The following BANK1 variants were observed in gnomAD, a reference collection of about 807,000 sequenced individuals.
The protein encoded by BANK1 is B-cell scaffold protein with ankyrin repeats.
Under a neutral mutation model 94.5 loss-of-function variants are expected in BANK1, and 95 were observed. The ratio of observed to expected loss-of-function variants is 1.00; its 90% CI spans 0.85 to 1.19. The LOEUF is 1.19. Ranked by LOEUF, BANK1 falls within the 50% of genes most tolerant of loss-of-function variation. The probability of loss-of-function intolerance (pLI) is 0.00; values close to 1 mark genes in which losing one functional copy is unlikely to be tolerated. For missense variants in BANK1, 987 were observed against 932.2 expected, an observed-to-expected ratio of 1.06 and a Z score of -0.77; for synonymous variants, 334 against 308.4, an observed-to-expected ratio of 1.08 and a Z score of -0.87.
chr4:101,814,321 C>G (rs1481366443), intron 1 of BANK1, among the ~76,000 whole-genome samples: 1 of 152,178 alleles, frequency 6.6e-6, no homozygotes, highest in Non-Finnish European at 1.5e-5. Context: ...TTTAAGTACT[C>G]TGTTTGGGTC....
rs778946197 is a variant in BANK1, at chr4:102,060,219, C to T, written c.1978C>T (p.Arg660Trp). ...CTCCCCTTGTATTTTAGACAGAGCT[C>T]GGATAGAGAGTCCAGCCTTTTCTAC... ...CGLPKKQDRA[R>W]IESPAFSTLR... The change falls in exon 12 of 17, where the codon CGG (arginine) becomes TGG (tryptophan). Residue 660 changes from arginine (R) to tryptophan (W), a missense_variant. Transcript: ENST00000322953. The T allele has an allele frequency of 5.7e-6, 9 of 1,574,740 alleles. No individual in the cohort carries two copies. Among genetic ancestry groups the T allele is most frequent in the Non-Finnish European group, 6.8e-6 (8 of 1,168,810 alleles).
chr4:101,869,006 G>C (rs1415383074), intron 4 of BANK1, among the ~76,000 whole-genome samples: 1 of 151,716 alleles, frequency 6.6e-6, no homozygotes, highest in Admixed American at 6.6e-5. Context: ...GTTAACTAAG[G>C]ATTCAATATA....
In BANK1 at chr4:101,903,942, G is replaced by A. The variant is rs991131848; in HGVS notation, c.1009+8532G>A. Reference sequence around the variant, plus strand: ...CCAAAACATTGGAGTAAAATTTCTCGAGTGGTGGCAGCACAAAGTATATCA... The same window carrying A: ...CCAAAACATTGGAGTAAAATTTCTCAAGTGGTGGCAGCACAAAGTATATCA... On this transcript the variant is annotated intron_variant, in intron 6 of 16. Transcript: ENST00000322953. Among the ~76,000 whole-genome samples the A allele has an allele frequency of 3.3e-5, 5 of 152,264 alleles. No individual in the cohort carries two copies. In the East Asian group the frequency reaches 7.7e-4, roughly 24 times the overall value.
intron 10 of BANK1, among the ~76,000 whole-genome samples, chr4:102,035,431 G>A (rs912356189): frequency 2.6e-5 from 4 of 151,934 alleles, no homozygotes; most frequent in South Asian, 2.1e-4. Context: ...GGCGGATCAC[G>A]AGGTCAGGAG....
intron 7 of BANK1, among the ~76,000 whole-genome samples, chr4:101,931,865 C>T (rs1470793199): frequency 6.6e-6 from 1 of 151,150 alleles, no homozygotes; most frequent in Non-Finnish European, 1.5e-5. Flanking sequence ...TATGCAGAGC[C>T]CTAGAAGGCA....
At chr4:101,876,726 G>A (rs2148883620) in intron 5 of BANK1, among the ~76,000 whole-genome samples, 1 of 152,278 alleles carries the variant, frequency 6.6e-6, no homozygotes, top group Admixed American at 6.5e-5. Flanking sequence ...GACTAATCAT[G>A]AAGAAACATA....
intron 3 of BANK1, among the ~76,000 whole-genome samples, chr4:101,861,524 T>C (rs542783684): frequency 6.6e-6 from 1 of 152,152 alleles, no homozygotes; most frequent in East Asian, 1.9e-4. Context: ...AATTTTTTCA[T>C]GGGGTTCGAC....
chr4:101,803,662 C>T (rs1056267022), intron 1 of BANK1, among the ~76,000 whole-genome samples: 1 of 151,684 alleles, frequency 6.6e-6, no homozygotes, highest in Non-Finnish European at 1.5e-5. Context: ...TGGATATTTG[C>T]AACAATTTGA....
At chr4:101,862,360 G>A (rs1232916593) in intron 3 of BANK1, among the ~76,000 whole-genome samples, 166 bp from the exon 4 acceptor site, 1 of 152,062 alleles carries the variant, frequency 6.6e-6, no homozygotes, top group Non-Finnish European at 1.5e-5. Context: ...AATGTAGTGA[G>A]AATCACATTT....
intron 1 of BANK1, among the ~76,000 whole-genome samples, chr4:101,815,453 G>A (rs776113297): frequency 1.4e-4 from 21 of 151,974 alleles, no homozygotes; most frequent in Non-Finnish European, 1.8e-4. Flanking sequence ...TGAGGTCTGA[G>A]TACTATAATC....
chr4:101,811,709 T>C (rs1243569034), intron 1 of BANK1, among the ~76,000 whole-genome samples: 3 of 152,126 alleles, frequency 2.0e-5, no homozygotes, highest in African/African-American at 7.2e-5. Context: ...ATCTTTTTGA[T>C]TTGTAAATTT....
intron 4 of BANK1, among the ~76,000 whole-genome samples, chr4:101,867,157 G>A (rs1369150508): frequency 3.0e-5 from 1 of 33,802 alleles, no homozygotes; most frequent in Non-Finnish European, 5.0e-5. Flanking sequence ...CTAAAACTTA[G>A]AGTATAATAA....
intron 2 of BANK1, among the ~76,000 whole-genome samples, chr4:101,840,983 C>G (rs114802946): frequency 1.6e-3 from 240 of 152,272 alleles, no homozygotes; most frequent in Non-Finnish European, 2.6e-3. Flanking sequence ...TGCGCCGTCA[C>G]GCCCAGCTAA....
At chr4:102,048,694 G>A (rs1005741800) in intron 11 of BANK1, among the ~76,000 whole-genome samples, 1 of 152,154 alleles carries the variant, frequency 6.6e-6, no homozygotes, top group South Asian at 2.1e-4. Context: ...ATATGCTGGA[G>A]GGAAAAGGGA....
chr4:101,849,613 A>G lies in BANK1; in HGVS notation c.470-5422A>G. Among the ~76,000 whole-genome samples, 3 of 152,286 alleles carry G rather than the reference A, an allele frequency of 2.0e-5. No homozygotes were observed. The Middle Eastern group carries it at 0.01, about 518-fold the overall frequency. The stretch of plus-strand genomic sequence containing the variant: ...ATAGGTAATTTGTATGTATTAACAC[A>G]TACTATATAAAAAAATTTATGTGTG... On this transcript the variant is annotated intron_variant, in intron 2 of 16. Transcript: ENST00000322953.
chr4:101,802,928 G>C (rs891795322), intron 1 of BANK1, among the ~76,000 whole-genome samples: 35 of 152,198 alleles, frequency 2.3e-4, no homozygotes, highest in African/African-American at 8.4e-4. Context: ...TTAGTACTCT[G>C]TTGCCCAAAC....
At chr4:101,994,604 T>C (rs1178129637) in intron 7 of BANK1, among the ~76,000 whole-genome samples, 1 of 152,154 alleles carries the variant, frequency 6.6e-6, no homozygotes, top group Non-Finnish European at 1.5e-5. Flanking sequence ...AAAAGCAGTA[T>C]GTTAGGGCTG....
At chr4:101,798,081 G>A (rs1315311253) in intron 1 of BANK1, among the ~76,000 whole-genome samples, 1 of 152,128 alleles carries the variant, frequency 6.6e-6, no homozygotes, top group Non-Finnish European at 1.5e-5. Context: ...TGGTGAACTG[G>A]CCCAAATTCT....
chr4:101,791,569 A>G (rs1351368659), intron 1 of BANK1, among the ~76,000 whole-genome samples: 1 of 152,234 alleles, frequency 6.6e-6, no homozygotes, highest in Non-Finnish European at 1.5e-5. Context: ...AGTTTTATTT[A>G]GTTCTTTTTG....
Sources: allele counts gnomAD v4.1 joint callset (sites outside exome capture counted in the v4.1 genomes callset), GRCh38; gene constraint gnomAD v4.1.1; transcripts MANE v1.5; gene names NCBI Gene and HGNC (gene_info 2026-07-23, HGNC 2026-07-21).